ZNF121: variants seen among roughly 807,000 people sequenced by gnomAD.
ZNF121 encodes zinc finger protein 121 (clone ZHC32).
In ZNF121, 1 loss-of-function variant was observed where a neutral mutation model predicts 2.4. That is an observed-to-expected ratio of 0.41 (90% confidence interval 0.15 to 1.94). ZNF121 has a LOEUF of 1.94. Ranked by LOEUF, ZNF121 falls within the 30% of genes most tolerant of loss-of-function variation. ZNF121 has a pLI of 0.30. For missense variants in ZNF121, 369 were observed against 466.3 expected (o/e 0.79, Z 1.92); for synonymous variants, 173 against 158.6 (o/e 1.09, Z -0.68).
chr19:9,574,319 G>A (rs571668884), intron 1 of ZNF121, among the ~76,000 whole-genome samples: 4 of 151,938 alleles, frequency 2.6e-5, no homozygotes, highest in Admixed American at 1.3e-4. Context: ...CTCATTTTTT[G>A]TATTTTTTGT....
chr19:9,570,751 G>C (rs1009761283), intron 1 of ZNF121, among the ~76,000 whole-genome samples: 119 of 151,746 alleles, frequency 7.8e-4, no homozygotes, highest in Admixed American at 9.8e-4. Context: ...CGAGGGGGGG[G>C]GGTATTTTTA....
rs1225760715 is a variant in ZNF121, at chr19:9,566,837, G to A, written c.276C>T (p.Asp92=). The A allele has an allele frequency of 1.2e-6, 2 of 1,614,204 alleles. No individual in the cohort carries two copies. The highest frequency in any genetic ancestry group is 1.7e-6 in the Non-Finnish European group (2 of 1,180,038). ...ACTGATCAACAAAGGCTTCCTCACA[G>A]TCACTGTATTCAAAGGATTTGTCTC... ...WIGDKSFEYS[D]CEEAFVDQSH... is the part of the protein sequence containing the mutation. The change falls in exon 4 of 4, where the codon GAC becomes GAT. Residue 92 remains aspartate (D), a synonymous_variant. Coordinates refer to ENST00000320451, the MANE Select transcript of ZNF121 (RefSeq NM_001008727.5).
Position 9,566,090 on chromosome 19 carries a change from T to A in ZNF121, c.1023A>T (p.Ile341=). ...IRTHTGEKPY[I]CKECGKTFRA... is the part of the protein sequence containing the mutation. ...GGAAGGTTTTCCCACATTCCTTACA[T>A]ATATACGGTTTCTCTCCAGTGTGAG... Residue 341 remains isoleucine (I), a synonymous_variant, in exon 4 of 4, where the codon ATA becomes ATT. Coordinates refer to ENST00000320451, the MANE Select transcript of ZNF121 (RefSeq NM_001008727.5). 6.2e-7 allele frequency: 1 copy of A among 1,614,146 alleles called. No individual in the cohort carries two copies. Among genetic ancestry groups the A allele is most frequent in the Non-Finnish European group, 8.5e-7 (1 of 1,180,022 alleles).
chr19:9,582,104 G>A (rs374719977), intron 1 of ZNF121, among the ~76,000 whole-genome samples: 40 of 152,196 alleles, frequency 2.6e-4, no homozygotes, highest in Non-Finnish European at 5.3e-4. Flanking sequence ...TCAGGATTTC[G>A]AGACCAGCCT....
rs2074128071 is a variant in ZNF121, at chr19:9,565,904, A to G, written c.*36T>C. 6.9e-7 allele frequency: 1 copy of G among 1,450,220 alleles called. No homozygotes were observed. The highest frequency in any genetic ancestry group is 2.5e-5 in the Admixed American group (1 of 39,912). The allele number at this position is 1,450,220 out of a possible 1,614,324, so 89.8% of individuals were successfully genotyped here. A position where few individuals can be genotyped will look rare whatever the true frequency, so the allele number is the denominator to read the frequency against. On this transcript the variant is annotated 3_prime_UTR_variant, in exon 4 of 4. Coordinates refer to ENST00000320451, the MANE Select transcript of ZNF121 (RefSeq NM_001008727.5). Reference sequence around the variant, plus strand: ...GTAATTATGGTATGAGAAATTCCTAAAAGATTTCCACATTCCTTACATTCA... The same window carrying G: ...GTAATTATGGTATGAGAAATTCCTAGAAGATTTCCACATTCCTTACATTCA...
At chr19:9,572,768 A>C (rs951860207) in intron 1 of ZNF121, among the ~76,000 whole-genome samples, 4 of 152,214 alleles carry the variant, frequency 2.6e-5, no homozygotes, top group African/African-American at 9.6e-5. Flanking sequence ...GGGAAATTTT[A>C]AAGAAAGAAA....
At chr19:9,573,103 T>G (rs1378742384) in intron 1 of ZNF121, among the ~76,000 whole-genome samples, 2 of 152,120 alleles carry the variant, frequency 1.3e-5, no homozygotes, top group African/African-American at 4.8e-5. Flanking sequence ...AATCCTTCAA[T>G]GCACAGACAC....
rs1183501863 is a variant in ZNF121 at position 9,565,443 on chromosome 19, G to C, written c.*497C>G. The C allele has an allele frequency of 6.7e-6, 1 of 149,740 alleles. No homozygotes were observed. Among genetic ancestry groups the C allele is most frequent in the Non-Finnish European group, 1.5e-5 (1 of 67,722 alleles). The allele number at this position is 149,740 out of a possible 1,614,324, so 9.3% of individuals were successfully genotyped here. A position where few individuals can be genotyped will look rare whatever the true frequency, so the allele number is the denominator to read the frequency against. On this transcript the variant is annotated 3_prime_UTR_variant, in exon 4 of 4. Coordinates refer to ENST00000320451, the MANE Select transcript of ZNF121 (RefSeq NM_001008727.5). ...CCAGCACTTTGGGAGGCCAAGGCGG[G>C]TGGATCACCTGAGGTCAGGAGCTCG...
intron 2 of ZNF121, among the ~76,000 whole-genome samples, 160 bp from the exon 3 acceptor site, chr19:9,568,335 T>C (rs1347505856): frequency 6.6e-6 from 1 of 152,090 alleles, no homozygotes; most frequent in Non-Finnish European, 1.5e-5. Flanking sequence ...TGACGAACAT[T>C]TGGCAATCGT....
chr19:9,567,534 AATAGGGGTGGG>A (rs2074142358), intron 3 of ZNF121: 4 of 223,368 alleles, frequency 1.8e-5, no homozygotes, highest in Non-Finnish European at 3.7e-5. Flanking sequence ...ACAGGGGTGG[AATAGGGGTGGG>A]ATAGGGATGG....
intron 1 of ZNF121, among the ~76,000 whole-genome samples, chr19:9,577,277 C>A (rs1310775091): frequency 1.3e-5 from 2 of 151,716 alleles, no homozygotes; most frequent in South Asian, 4.2e-4. Context: ...AATCCTGTCT[C>A]TACTAAAAAA....
intron 1 of ZNF121, among the ~76,000 whole-genome samples, chr19:9,573,216 A>G (rs1041006386): frequency 6.6e-6 from 1 of 152,214 alleles, no homozygotes; most frequent in African/African-American, 2.4e-5. Flanking sequence ...ACAATATGTG[A>G]GCTCCCTAAG....
At position 9,567,056 on chromosome 19, in the gene ZNF121, G is replaced by A. The variant is rs750622035; in HGVS notation, c.57C>T (p.Ile19=). The change falls in exon 4 of 4, where the codon ATC becomes ATT. Residue 19 remains isoleucine (I), a synonymous_variant. Transcript: ENST00000320451. ...ELCDFMENGE[I]FSEHSCLNAH... ...CATTAAGGCATGAGTGTTCACTGAA[G>A]ATTTCTCCATTTTCCATAAAGTCAC... 8.7e-6 allele frequency: 14 copies of A among 1,614,004 alleles called. No homozygotes were observed. The South Asian group carries it at 1.5e-4, about 18-fold the overall frequency.
intron 2 of ZNF121, among the ~76,000 whole-genome samples, chr19:9,568,510 G>T (rs543450517): frequency 2.6e-5 from 4 of 151,954 alleles, no homozygotes; most frequent in Non-Finnish European, 5.9e-5. Context: ...GAGTAGCTTG[G>T]ATTACAGGTG....
At chr19:9,573,761 A>C (rs573392800) in intron 1 of ZNF121, among the ~76,000 whole-genome samples, 1 of 144,398 alleles carries the variant, frequency 6.9e-6, no homozygotes, top group Non-Finnish European at 1.5e-5. Context: ...AAGAGAAAAG[A>C]AGCAAATAAC....
rs1287129569 is a variant in ZNF121 at position 9,561,389 on chromosome 19, A to C, written c.*4551T>G. The C allele has an allele frequency of 1.3e-5, 2 of 152,258 alleles. No individual in the cohort carries two copies. Among genetic ancestry groups the C allele is most frequent in the Non-Finnish European group, 2.9e-5 (2 of 68,052 alleles). 9.4% of individuals were successfully genotyped at this position (152,258 alleles called of 1,614,324 possible). On this transcript the variant is annotated 3_prime_UTR_variant, in exon 4 of 4. Coordinates refer to ENST00000320451, the MANE Select transcript of ZNF121 (RefSeq NM_001008727.5). Reference sequence around the variant, plus strand: ...TGAAATAAGGAGAATACATTTTTAAAGATTCAGAAGATAGCTTGATGGGGA... The same window carrying C: ...TGAAATAAGGAGAATACATTTTTAACGATTCAGAAGATAGCTTGATGGGGA...
chr19:9,562,525 G>A lies in ZNF121; in HGVS notation c.*3415C>T, dbSNP rs534967922. 3 of 189,378 alleles carry A rather than the reference G, an allele frequency of 1.6e-5. No homozygotes were observed. The highest frequency in any genetic ancestry group is 6.2e-5 in the South Asian group (1 of 16,158). 11.7% of individuals were successfully genotyped at this position (189,378 alleles called of 1,614,324 possible). A position where few individuals can be genotyped will look rare whatever the true frequency, so the allele number is the denominator to read the frequency against. The stretch of plus-strand genomic sequence containing the variant: ...TGGGGTACCACAAACCACAACCTTC[G>A]AAGACAGCAAACTTAACAAATGCTA... On this transcript the variant is annotated 3_prime_UTR_variant, in exon 4 of 4. Transcript: ENST00000320451.
Position 9,568,109 on chromosome 19 carries a change from T to C in ZNF121, c.-12A>G, listed in dbSNP as rs768713244. The C allele has an allele frequency of 1.8e-5, 28 of 1,546,114 alleles. No homozygotes were observed. In the Middle Eastern group the frequency reaches 5.2e-4, roughly 29 times the overall value. Reference sequence around the variant, plus strand: ...CTTAATCTTACCATTTGTATGCCGTTTGATGTTTTGTTAAGCCAAAAAAAA... The same window carrying C: ...CTTAATCTTACCATTTGTATGCCGTCTGATGTTTTGTTAAGCCAAAAAAAA... On this transcript the variant is annotated 5_prime_UTR_variant, in exon 3 of 4. Coordinates refer to ENST00000320451, the MANE Select transcript of ZNF121 (RefSeq NM_001008727.5).
chr19:9,575,600 G>A (rs1023292879), intron 1 of ZNF121, among the ~76,000 whole-genome samples: 7 of 151,452 alleles, frequency 4.6e-5, no homozygotes, highest in Non-Finnish European at 7.4e-5. Context: ...AAAATTAGCC[G>A]GGTGTGGTGG....
Sources: allele counts gnomAD v4.1 joint callset (sites outside exome capture counted in the v4.1 genomes callset), GRCh38; gene constraint gnomAD v4.1.1; transcripts MANE v1.5; gene names NCBI Gene and HGNC (gene_info 2026-07-23, HGNC 2026-07-21).